OPCML: variants seen among roughly 807,000 people sequenced by gnomAD.
OPCML encodes the protein opioid binding protein/cell adhesion molecule like.
In OPCML, 13 loss-of-function variants were observed where a neutral mutation model predicts 37.8. The observed-to-expected ratio is 0.34, with a 90% confidence interval of 0.22 to 0.55. The LOEUF (loss-of-function observed/expected upper bound fraction) is 0.55. Ranked by LOEUF, OPCML falls within the 20% of genes least tolerant of loss-of-function variation. The probability of loss-of-function intolerance (pLI) is 0.91; values close to 1 mark genes in which losing one functional copy is unlikely to be tolerated. For missense variants in OPCML, 341 were observed against 435.6 expected (o/e 0.78, Z 1.93); for synonymous variants, 176 against 168.8 (o/e 1.04, Z -0.33).
intron 1 of OPCML, among the ~76,000 whole-genome samples, chr11:133,416,640 C>T (rs1945772971): frequency 6.6e-6 from 1 of 152,230 alleles, no homozygotes; most frequent in East Asian, 1.9e-4. Flanking sequence ...CTTCTACCTA[C>T]ACCTCTTATA....
At chr11:133,264,233 G>A (rs1177778121) in intron 1 of OPCML, among the ~76,000 whole-genome samples, 2 of 152,122 alleles carry the variant, frequency 1.3e-5, no homozygotes, top group African/African-American at 2.4e-5. Context: ...AATTCCCAGG[G>A]GAAGCACTGA....
At chr11:132,762,995 A>C (rs911009417) in intron 2 of OPCML, among the ~76,000 whole-genome samples, 7 of 152,220 alleles carry the variant, frequency 4.6e-5, no homozygotes, top group African/African-American at 1.4e-4. Context: ...ACATGGGAAA[A>C]GCGTAGTATC....
intron 2 of OPCML, among the ~76,000 whole-genome samples, chr11:132,876,122 C>T (rs1424445389): frequency 6.6e-6 from 1 of 152,176 alleles, no homozygotes; most frequent in East Asian, 1.9e-4. Context: ...TCACTCCTGT[C>T]CCAGTCCAAA....
intron 2 of OPCML, among the ~76,000 whole-genome samples, chr11:132,684,160 C>T (rs1943070216): frequency 6.6e-6 from 1 of 152,162 alleles, no homozygotes; most frequent in Non-Finnish European, 1.5e-5. Flanking sequence ...TGACATACCT[C>T]TCCTTAATTA....
rs555306814 is a variant in OPCML at position 133,390,304 on chromosome 11, A to G, written c.61+141960T>C. Among the ~76,000 whole-genome samples the G allele has an allele frequency of 1.2e-4, 16 of 138,062 alleles. No homozygotes were observed. The South Asian group carries it at 2.1e-3, about 18-fold the overall frequency. The allele number at this position is 138,062 out of a possible 152,430, so 90.6% of individuals were successfully genotyped here. ...GAAACCCCGTCTCTACTAAAAATAC[A>G]AAAAAAAAATTAGCCGGGTGTGGTG... On this transcript the variant is annotated intron_variant, in intron 1 of 7. Transcript: ENST00000524381.
chr11:133,444,217 G>A (rs530558335), intron 1 of OPCML, among the ~76,000 whole-genome samples: 9 of 152,254 alleles, frequency 5.9e-5, no homozygotes, highest in East Asian at 1.9e-4. Flanking sequence ...AGAGGAGGAC[G>A]TAGAGAATGA....
chr11:133,517,529 C>T (rs539004024), intron 1 of OPCML, among the ~76,000 whole-genome samples: 1 of 152,306 alleles, frequency 6.6e-6, no homozygotes, highest in East Asian at 1.9e-4. Flanking sequence ...GGCAACTCCC[C>T]CATACTTACC....
At chr11:132,765,150 A>G (rs1946393188) in intron 2 of OPCML, among the ~76,000 whole-genome samples, 1 of 152,102 alleles carries the variant, frequency 6.6e-6, no homozygotes, top group Non-Finnish European at 1.5e-5. Context: ...ATCTGACAAG[A>G]CTGTACGGCT....
intron 3 of OPCML, among the ~76,000 whole-genome samples, chr11:132,553,449 G>C (rs1256459178): frequency 6.6e-6 from 1 of 152,160 alleles, no homozygotes; most frequent in Non-Finnish European, 1.5e-5. Flanking sequence ...GTACCGACAA[G>C]TGACCCCCAC....
Position 133,100,279 on chromosome 11 carries a change from C to T in OPCML, c.62-157269G>A, listed in dbSNP as rs191988272. Among the ~76,000 whole-genome samples the T allele has an allele frequency of 1.4e-3, 216 of 152,134 alleles. 4 individuals are homozygous for T. The highest frequency in any genetic ancestry group is 0.012 in the Admixed American group (177 of 15,284). ...CCAAGCCCCAGCAACATGCAATTTA[C>T]GCATGTAAAAAATCTGCACAAGTAC... On this transcript the variant is annotated intron_variant, in intron 1 of 7. Coordinates refer to ENST00000524381, the MANE Select transcript of OPCML (RefSeq NM_001012393.5).
At chr11:133,487,902 G>T (rs151081131) in intron 1 of OPCML, among the ~76,000 whole-genome samples, 1 of 140,852 alleles carries the variant, frequency 7.1e-6, no homozygotes, top group African/African-American at 2.8e-5. Context: ...GAATCCAACA[G>T]CACATCAAAA....
intron 2 of OPCML, among the ~76,000 whole-genome samples, chr11:132,678,527 G>A (rs939397360): frequency 1.3e-5 from 2 of 152,114 alleles, no homozygotes; most frequent in South Asian, 2.1e-4. Flanking sequence ...GATAAACTGC[G>A]TTACATCCAG....
chr11:133,225,415 C>T (rs890781880), intron 1 of OPCML, among the ~76,000 whole-genome samples: 2 of 152,190 alleles, frequency 1.3e-5, no homozygotes, highest in African/African-American at 2.4e-5. Flanking sequence ...ACCCTCGGCC[C>T]GTGACCTGAC....
intron 1 of OPCML, among the ~76,000 whole-genome samples, chr11:133,121,998 T>A (rs1351646703): frequency 3.9e-5 from 6 of 152,220 alleles, no homozygotes; most frequent in African/African-American, 1.4e-4. Flanking sequence ...ATTTGAAGCA[T>A]ATTGATGTAG....
At chr11:132,423,019 C>G (rs976294287) in intron 7 of OPCML, among the ~76,000 whole-genome samples, 5 of 152,148 alleles carry the variant, frequency 3.3e-5, no homozygotes, top group Admixed American at 1.3e-4. Flanking sequence ...TCTATTAGCT[C>G]TCTGAGTTAT....
At position 133,099,430 on chromosome 11, in the gene OPCML, TTTTC is replaced by T. The variant is rs887067855; in HGVS notation, c.62-156424_62-156421del. Among the ~76,000 whole-genome samples the T allele has an allele frequency of 2.5e-4, 30 of 119,866 alleles. 1 individual carries two copies. The highest frequency in any genetic ancestry group is 4.4e-3 in the Middle Eastern group (1 of 226). 78.6% of individuals were successfully genotyped at this position (119,866 alleles called of 152,430 possible). A position where few individuals can be genotyped will look rare whatever the true frequency, so the allele number is the denominator to read the frequency against. On this transcript the variant is annotated intron_variant, in intron 1 of 7. Coordinates refer to ENST00000524381, the MANE Select transcript of OPCML (RefSeq NM_001012393.5). Reference sequence around the variant, plus strand: ...GGTGCTCACCACCACACCTGGCTAATTTTCTTTTTTTCTTTTTTTTTTTTTTTTT... The same window carrying T: ...GGTGCTCACCACCACACCTGGCTAATTTTTTTTCTTTTTTTTTTTTTTTTT...
chr11:133,228,057 A>T (rs749439114), intron 1 of OPCML, among the ~76,000 whole-genome samples: 1 of 152,134 alleles, frequency 6.6e-6, no homozygotes, highest in Non-Finnish European at 1.5e-5. Flanking sequence ...TTTCATCTTT[A>T]TTGGGAGACC....
At chr11:133,041,992 C>G (rs753760544) in intron 1 of OPCML, among the ~76,000 whole-genome samples, 1 of 152,280 alleles carries the variant, frequency 6.6e-6, no homozygotes, top group African/African-American at 2.4e-5. Flanking sequence ...GGCAAACGAC[C>G]TTTCCATCCC....
At chr11:133,201,266 A>G (rs1024484503) in intron 1 of OPCML, among the ~76,000 whole-genome samples, 7 of 150,134 alleles carry the variant, frequency 4.7e-5, no homozygotes, top group African/African-American at 1.7e-4. Flanking sequence ...CTGCACACGT[A>G]CTCCTGGAAA....
Sources: allele counts gnomAD v4.1 joint callset (sites outside exome capture counted in the v4.1 genomes callset), GRCh38; gene constraint gnomAD v4.1.1; transcripts MANE v1.5; gene names NCBI Gene and HGNC (gene_info 2026-07-23, HGNC 2026-07-21).